Variants in SLC9A9 observed in about 807,000 individuals in gnomAD.
SLC9A9 encodes solute carrier family 9 member A9, also known as sodium/hydrogen exchanger 9.
Under a neutral mutation model 77.8 loss-of-function variants are expected in SLC9A9, and 62 were observed. That is an observed-to-expected ratio of 0.80 (90% CI 0.65 to 0.98). The LOEUF (loss-of-function observed/expected upper bound fraction) is 0.98. SLC9A9 is among the 50% of genes least tolerant of loss of function. The probability of loss-of-function intolerance (pLI) is 0.00; values close to 1 mark genes in which losing one functional copy is unlikely to be tolerated. For synonymous variants in SLC9A9, 320 were observed against 283.5 expected (o/e 1.13, Z -1.29); for missense variants, 775 against 774.9 (o/e 1.00, Z 0.00).
rs2033313244 is a variant in SLC9A9, at chr3:143,381,952, G to A, written c.1524+108C>T. The A allele has an allele frequency of 2.4e-6, 3 of 1,265,876 alleles. 1 individual carries two copies. Among genetic ancestry groups the A allele is most frequent in the South Asian group, 2.4e-5 (2 of 83,522 alleles). 78.4% of individuals were successfully genotyped at this position (1,265,876 alleles called of 1,614,324 possible). On this transcript the variant is annotated intron_variant, in intron 13 of 15. Coordinates refer to ENST00000316549, the MANE Select transcript of SLC9A9 (RefSeq NM_173653.4). ...CTCATTTGTTTTATCAGCAGAGGAAGCTCCGTTTAGAAATAGCTCCTTGGT... is the reference window on the plus strand; with the variant it reads ...CTCATTTGTTTTATCAGCAGAGGAAACTCCGTTTAGAAATAGCTCCTTGGT...
chr3:143,398,580 AAG>A (rs778017609), intron 12 of SLC9A9, among the ~76,000 whole-genome samples: 9 of 151,860 alleles, frequency 5.9e-5, no homozygotes, highest in Non-Finnish European at 1.0e-4. Context: ...TAAAAGCAAA[AAG>A]AGATTTATAA....
intron 5 of SLC9A9, among the ~76,000 whole-genome samples, chr3:143,675,292 G>A (rs1484187072): frequency 6.6e-6 from 1 of 152,320 alleles, no homozygotes; most frequent in East Asian, 1.9e-4. Flanking sequence ...AAATAGCATA[G>A]TGCTATGACA....
intron 2 of SLC9A9, among the ~76,000 whole-genome samples, chr3:143,812,937 A>G (rs977202607): frequency 6.6e-6 from 1 of 152,164 alleles, no homozygotes; most frequent in Non-Finnish European, 1.5e-5. Flanking sequence ...ATATGTTGTG[A>G]TTTGTGTTGT....
intron 14 of SLC9A9, among the ~76,000 whole-genome samples, chr3:143,339,204 C>T (rs553829098): frequency 5.8e-4 from 89 of 152,322 alleles, no homozygotes; most frequent in Admixed American, 1.0e-3. Context: ...TCCTGGAATT[C>T]TGCTTTGCTC....
At chr3:143,481,224 G>A (rs992398888) in intron 11 of SLC9A9, among the ~76,000 whole-genome samples, 9 of 152,164 alleles carry the variant, frequency 5.9e-5, no homozygotes, top group African/African-American at 1.4e-4. Context: ...ACAGCTTGAT[G>A]ACTACTAGGG....
intron 4 of SLC9A9, among the ~76,000 whole-genome samples, chr3:143,762,306 G>A (rs943593646): frequency 1.3e-5 from 2 of 152,172 alleles, no homozygotes; most frequent in Non-Finnish European, 2.9e-5. Context: ...AAACCTGCAC[G>A]TTGTGCACAT....
chr3:143,332,448 C>T (rs1482191723), intron 14 of SLC9A9, among the ~76,000 whole-genome samples: 1 of 152,228 alleles, frequency 6.6e-6, no homozygotes, highest in East Asian at 1.9e-4. Flanking sequence ...TTGGGAAGAC[C>T]ATTTGAACCG....
chr3:143,715,240 C>T (rs1934306681), intron 4 of SLC9A9, among the ~76,000 whole-genome samples: 1 of 152,156 alleles, frequency 6.6e-6, no homozygotes, highest in African/African-American at 2.4e-5. Context: ...TATGGGCTCC[C>T]TTTGTCCTTT....
At chr3:143,722,250 G>A (rs1052555794) in intron 4 of SLC9A9, among the ~76,000 whole-genome samples, 1 of 152,020 alleles carries the variant, frequency 6.6e-6, no homozygotes, top group Non-Finnish European at 1.5e-5. Context: ...GAGGCGGGCG[G>A]ATCACGAGGT....
intron 12 of SLC9A9, among the ~76,000 whole-genome samples, chr3:143,440,323 T>C (rs1021252633): frequency 3.3e-5 from 5 of 152,148 alleles, no homozygotes; most frequent in African/African-American, 9.7e-5. Context: ...GCTGCTTGAG[T>C]TCTGGGAGGG....
chr3:143,789,588 G>C (rs1485509372), intron 4 of SLC9A9, among the ~76,000 whole-genome samples: 2 of 152,150 alleles, frequency 1.3e-5, no homozygotes, highest in Admixed American at 1.3e-4. Flanking sequence ...ACAAGTAAAT[G>C]TGTCCTGTCA....
At chr3:143,527,634 A>G (rs2036427223) in intron 9 of SLC9A9, among the ~76,000 whole-genome samples, 1 of 152,172 alleles carries the variant, frequency 6.6e-6, no homozygotes, top group African/African-American at 2.4e-5. Flanking sequence ...TTGCTTGTAA[A>G]TCTTGGTTGG....
intron 6 of SLC9A9, among the ~76,000 whole-genome samples, chr3:143,596,120 C>T (rs747906744): frequency 5.3e-5 from 8 of 151,886 alleles, no homozygotes; most frequent in Non-Finnish European, 8.8e-5. Flanking sequence ...AACCAGGGTA[C>T]GACATAGTTT....
chr3:143,727,336 C>T (rs1408047278), intron 4 of SLC9A9, among the ~76,000 whole-genome samples: 2 of 151,642 alleles, frequency 1.3e-5, no homozygotes, highest in Non-Finnish European at 2.9e-5. Flanking sequence ...AGCCTTTATC[C>T]AAATATAAAT....
intron 12 of SLC9A9, among the ~76,000 whole-genome samples, chr3:143,440,131 G>T (rs2034701321): frequency 6.6e-6 from 1 of 152,240 alleles, no homozygotes; most frequent in Admixed American, 6.5e-5. Flanking sequence ...AAAACACAAG[G>T]AGCATATGCT....
chr3:143,376,168 G>A (rs558606231), intron 13 of SLC9A9, among the ~76,000 whole-genome samples: 1 of 152,258 alleles, frequency 6.6e-6, no homozygotes, highest in African/African-American at 2.4e-5. Flanking sequence ...TTGGGTGAAG[G>A]GAACGATTCC....
chr3:143,624,746 G>T (rs1487946085), intron 6 of SLC9A9, among the ~76,000 whole-genome samples: 1 of 152,162 alleles, frequency 6.6e-6, no homozygotes, highest in Non-Finnish European at 1.5e-5. Flanking sequence ...ATTCAACAGA[G>T]TGTTGGAAGT....
chr3:143,512,247 A>G (rs1426683541), intron 9 of SLC9A9, among the ~76,000 whole-genome samples: 1 of 152,268 alleles, frequency 6.6e-6, no homozygotes, highest in Non-Finnish European at 1.5e-5. Flanking sequence ...AATATGTAAT[A>G]AAACTTTATA....
rs374424392 is a variant in SLC9A9, at chr3:143,718,860, C to T, written c.534-25553G>A. The stretch of plus-strand genomic sequence containing the variant: ...TGAATATAAGGTAAAGAGCATTTGA[C>T]TTGAAATCAGAAACTCGGAGTTTAG... On this transcript the variant is annotated intron_variant, in intron 4 of 15. Coordinates refer to ENST00000316549, the MANE Select transcript of SLC9A9 (RefSeq NM_173653.4). Among the ~76,000 whole-genome samples the T allele has an allele frequency of 3.3e-5, 5 of 152,238 alleles. No individual in the cohort carries two copies. The East Asian group carries it at 5.8e-4, about 18-fold the overall frequency.
Sources: allele counts gnomAD v4.1 joint callset (sites outside exome capture counted in the v4.1 genomes callset), GRCh38; gene constraint gnomAD v4.1.1; transcripts MANE v1.5; gene names NCBI Gene and HGNC (gene_info 2026-07-23, HGNC 2026-07-21).